The following C3orf20 variants were observed in gnomAD, a reference collection of about 807,000 sequenced individuals.
The protein encoded by C3orf20 is uncharacterized protein C3orf20.
Under a neutral mutation model 88.3 loss-of-function variants are expected in C3orf20, and 76 were observed. The ratio of observed to expected loss-of-function variants is 0.86; its 90% CI spans 0.72 to 1.04. The LOEUF (loss-of-function observed/expected upper bound fraction) is 1.04. C3orf20 is among the 50% of genes least tolerant of loss of function. C3orf20 has a pLI of 0.00. For missense variants in C3orf20, 1,056 were observed against 1,123.3 expected, an observed-to-expected ratio of 0.94 and a Z score of 0.86; for synonymous variants, 436 against 437.4, an observed-to-expected ratio of 1.00 and a Z score of 0.04.
intron 7 of C3orf20, among the ~76,000 whole-genome samples, chr3:14,711,022 T>C (rs2033714225): frequency 6.6e-6 from 1 of 152,038 alleles, no homozygotes. Context: ...GCCTCCTGAG[T>C]AGCTGGGATT....
intron 4 of C3orf20, among the ~76,000 whole-genome samples, chr3:14,689,183 C>T (rs1335556936): frequency 6.6e-6 from 1 of 152,124 alleles, no homozygotes; most frequent in Non-Finnish European, 1.5e-5. Flanking sequence ...CCATTACTGG[C>T]TATTGTTAGT....
intron 7 of C3orf20, among the ~76,000 whole-genome samples, chr3:14,709,048 G>A: frequency 6.6e-6 from 1 of 152,204 alleles, no homozygotes; most frequent in East Asian, 1.9e-4. Context: ...TATGCCATTT[G>A]CAACAGCATC....
Position 14,772,025 on chromosome 3 carries a change from C to T in C3orf20, c.2496-42C>T. ...ACTGATGGGACAGCGTGCAGTGCAC[C>T]CTGGGCCCTGAGCACTGCCCCCGAC... On this transcript the variant is annotated intron_variant, in intron 15 of 16. Coordinates refer to ENST00000253697, the MANE Select transcript of C3orf20 (RefSeq NM_032137.5). The surrounding 1 kb of genome is among the most constrained non-coding windows in gnomAD (Gnocchi z 4.2). 1 of 1,611,782 alleles carries T rather than the reference C, an allele frequency of 6.2e-7. No individual in the cohort carries two copies.
At chr3:14,712,174 G>GCA (rs1217657453) in intron 7 of C3orf20, among the ~76,000 whole-genome samples, 10 of 61,848 alleles carry the variant, frequency 1.6e-4, no homozygotes, top group African/African-American at 4.4e-4. Context: ...GCACACACAC[G>GCA]CGCGCGCGCA....
chr3:14,755,086 T>C (rs2035325061), intron 12 of C3orf20, among the ~76,000 whole-genome samples: 1 of 152,216 alleles, frequency 6.6e-6, no homozygotes, highest in African/African-American at 2.4e-5. Context: ...TTCACTACCT[T>C]TGTCCATATT....
At chr3:14,699,981 T>C (rs2033181640) in intron 5 of C3orf20, among the ~76,000 whole-genome samples, 1 of 152,190 alleles carries the variant, frequency 6.6e-6, no homozygotes, top group African/African-American at 2.4e-5. Flanking sequence ...GCTCCCTCCA[T>C]GAGTGGGCTT....
chr3:14,761,344 G>A lies in C3orf20; in HGVS notation c.2353-129G>A. 7.2e-6 allele frequency: 8 copies of A among 1,116,918 alleles called. 2 individuals are homozygous for A. The South Asian group carries it at 1.1e-4, about 15-fold the overall frequency. 69.2% of individuals were successfully genotyped at this position (1,116,918 alleles called of 1,614,324 possible). The stretch of plus-strand genomic sequence containing the variant: ...CTCCTTCCCCAGCCACCCCAGGCCT[G>A]CCTCACGGCGTAAGCTCTGAGAGGC... On this transcript the variant is annotated intron_variant, in intron 14 of 16. Coordinates refer to ENST00000253697, the MANE Select transcript of C3orf20 (RefSeq NM_032137.5).
At chr3:14,713,159 G>A (rs570574165) in intron 7 of C3orf20, among the ~76,000 whole-genome samples, 1 of 152,250 alleles carries the variant, frequency 6.6e-6, no homozygotes, top group South Asian at 2.1e-4. Context: ...CCTACTTGGA[G>A]TTTGCTAAGC....
At chr3:14,683,519 G>A (rs2032224593) in intron 3 of C3orf20, among the ~76,000 whole-genome samples, 1 of 151,958 alleles carries the variant, frequency 6.6e-6, no homozygotes, top group South Asian at 2.1e-4. Flanking sequence ...TTTCAAACCA[G>A]CAGGGCTGAT....
intron 9 of C3orf20, among the ~76,000 whole-genome samples, chr3:14,717,342 G>A (rs150285771): frequency 9.1e-4 from 138 of 152,336 alleles, no homozygotes; most frequent in African/African-American, 3.2e-3. Flanking sequence ...ACAGAGGCAT[G>A]TGAAGTCAGG....
rs565386865 is a variant in C3orf20, at chr3:14,715,960, T to A, written c.1434+551T>A. On this transcript the variant is annotated intron_variant, in intron 9 of 16. Coordinates refer to ENST00000253697, the MANE Select transcript of C3orf20 (RefSeq NM_032137.5). Reference sequence around the variant, plus strand: ...TAACAAATAATAAAGAGGGCTGAATTATTAATAATAAATTAATAAACTTAT... The same window carrying A: ...TAACAAATAATAAAGAGGGCTGAATAATTAATAATAAATTAATAAACTTAT... Among the ~76,000 whole-genome samples, 3 of 150,208 alleles carry A rather than the reference T, an allele frequency of 2.0e-5. 1 individual carries two copies. In the East Asian group the frequency reaches 5.8e-4, roughly 29 times the overall value.
intron 12 of C3orf20, among the ~76,000 whole-genome samples, chr3:14,743,535 T>C (rs2034975529): frequency 6.6e-6 from 1 of 151,970 alleles, no homozygotes; most frequent in South Asian, 2.1e-4. Flanking sequence ...AATGGCCCTC[T>C]TCTCACAGCT....
At chr3:14,747,765 T>G (rs886613945) in intron 12 of C3orf20, among the ~76,000 whole-genome samples, 1 of 152,140 alleles carries the variant, frequency 6.6e-6, no homozygotes, top group Non-Finnish European at 1.5e-5. Flanking sequence ...ACTGATCACA[T>G]AGAAATCTCA....
At chr3:14,718,061 A>G (rs1208163404) in intron 9 of C3orf20, among the ~76,000 whole-genome samples, 2 of 152,036 alleles carry the variant, frequency 1.3e-5, no homozygotes, top group Admixed American at 1.3e-4. Flanking sequence ...GAGTCTGTAA[A>G]TTCATTTAAA....
rs567794428 is a variant in C3orf20 at position 14,729,163 on chromosome 3, A to C, written c.1940+475A>C. Among the ~76,000 whole-genome samples the C allele has an allele frequency of 9.3e-4, 141 of 152,322 alleles. 1 individual carries two copies. The highest frequency in any genetic ancestry group is 9.3e-4 in the Non-Finnish European group (63 of 68,036). ...CAGGCCTGCAAAGTCTCAGGTATTCACTACCTGGCTCTCTACAGAAAATGT... is the reference window on the plus strand; with the variant it reads ...CAGGCCTGCAAAGTCTCAGGTATTCCCTACCTGGCTCTCTACAGAAAATGT... On this transcript the variant is annotated intron_variant, in intron 12 of 16. Transcript: ENST00000253697.
intron 4 of C3orf20, among the ~76,000 whole-genome samples, chr3:14,684,893 G>A: frequency 6.6e-6 from 1 of 152,174 alleles, no homozygotes; most frequent in Non-Finnish European, 1.5e-5. Context: ...ATACAAGAAT[G>A]TTTATTGCAG....
At chr3:14,750,531 G>A (rs2035188372) in intron 12 of C3orf20, among the ~76,000 whole-genome samples, 1 of 147,804 alleles carries the variant, frequency 6.8e-6, no homozygotes, top group African/African-American at 2.5e-5. Context: ...TTCCAGCCCA[G>A]GTAACAGAAT....
chr3:14,726,506 A>G (rs189485829), intron 10 of C3orf20, among the ~76,000 whole-genome samples: 32 of 152,372 alleles, frequency 2.1e-4, no homozygotes, highest in African/African-American at 7.5e-4. Context: ...GAGCACCTGC[A>G]TGACAAGCAC....
chr3:14,682,515 G>T (rs2032146756), intron 2 of C3orf20, 63 bp from the exon 3 acceptor site: 1 of 663,096 alleles, frequency 1.5e-6, no homozygotes, highest in African/African-American at 1.8e-5. Context: ...TAAGGGACGG[G>T]GGACCTCCCC....
Sources: gnomAD v4.1 joint callset for allele counts (sites outside exome capture counted in the v4.1 genomes callset) on GRCh38, gnomAD v4.1.1 for gene constraint, Gnocchi (gnomAD v3.1) non-coding constraint, MANE v1.5 for transcripts, NCBI Gene and HGNC (gene_info 2026-07-23, HGNC 2026-07-21) for gene names.